Variants in FGD5 observed in about 807,000 individuals in gnomAD.
FGD5 encodes FYVE, RhoGEF and PH domain containing 5.
In FGD5, 28 loss-of-function variants were observed where a neutral mutation model predicts 133.4. The ratio of observed to expected loss-of-function variants is 0.21; its 90% CI spans 0.16 to 0.29. FGD5 has a LOEUF of 0.29. FGD5 is among the 10% of genes least tolerant of loss of function. The pLI is 1.00. For missense variants in FGD5, 1,858 were observed against 1,895.2 expected, an observed-to-expected ratio of 0.98 and a Z score of 0.36; for synonymous variants, 810 against 776.5, an observed-to-expected ratio of 1.04 and a Z score of -0.72.
chr3:14,904,272 A>G (rs2038295655), intron 9 of FGD5, among the ~76,000 whole-genome samples: 1 of 152,114 alleles, frequency 6.6e-6, no homozygotes, highest in Admixed American at 6.5e-5. Flanking sequence ...AGGGCACCAT[A>G]TCTACCTAGG....
At chr3:14,866,777 C>T (rs935635567) in intron 2 of FGD5, among the ~76,000 whole-genome samples, 8 of 152,196 alleles carry the variant, frequency 5.3e-5, no homozygotes, top group East Asian at 3.8e-4. Flanking sequence ...TCAGCAGTGA[C>T]GCACTGGGGT....
chr3:14,880,257 G>A lies in FGD5; in HGVS notation c.2659-315G>A, dbSNP rs537014721. 8.0e-4 allele frequency among the ~76,000 whole-genome samples: 122 copies of A among 152,272 alleles called. 1 individual carries two copies. In the Middle Eastern group the frequency reaches 0.027, roughly 34 times the overall value. ...TAGTCCCAGCTACTCAGGAGGCTGA[G>A]GTAGGAGGATCGCTTGAGCCTGAGA... is the stretch of plus-strand genomic sequence containing the variant. On this transcript the variant is annotated intron_variant, in intron 2 of 19. Coordinates refer to ENST00000285046, the MANE Select transcript of FGD5 (RefSeq NM_152536.4).
rs61749461 is a variant in FGD5, at chr3:14,922,527, T to C, written c.3786T>C (p.His1262=). The C allele has an allele frequency of 3.1e-3, 4,839 of 1,582,806 alleles. 115 individuals carry two copies. In the African/African-American group the frequency reaches 0.051, roughly 17 times the overall value. ...ACTTCTCCCTCACCCTGCGGCGTCA[T>C]CACTGTCACGCCTGTGGCAAGGTGA... ...GCDFSLTLRR[H]HCHACGKIVC... The change falls in exon 15 of 20, where the codon CAT becomes CAC. Residue 1262 remains histidine, a synonymous_variant. Coordinates refer to ENST00000285046, the MANE Select transcript of FGD5 (RefSeq NM_152536.4). The surrounding 1 kb of genome is among the most constrained non-coding windows in gnomAD (Gnocchi z 4.1).
rs2038363603 is a variant in FGD5 at position 14,907,550 on chromosome 3, G to A, written c.3265-90G>A. 3 of 1,241,708 alleles carry A rather than the reference G, an allele frequency of 2.4e-6. No individual in the cohort carries two copies. The East Asian group carries it at 7.4e-5, about 31-fold the overall frequency. The allele number at this position is 1,241,708 out of a possible 1,614,324, so 76.9% of individuals were successfully genotyped here. ...GCCTTTCCGGGCTTCATTTTTGTCT[G>A]AAACAGAAGCAACGCCATGCCTTAC... On this transcript the variant is annotated intron_variant, in intron 9 of 19. Transcript: ENST00000285046.
intron 4 of FGD5, among the ~76,000 whole-genome samples, chr3:14,883,767 T>G (rs2037873364): frequency 6.6e-6 from 1 of 152,236 alleles, no homozygotes; most frequent in Non-Finnish European, 1.5e-5. Context: ...ACAGACAATT[T>G]ACATTACTCC....
At chr3:14,813,362 T>C (rs2036322970) in intron 1 of FGD5, among the ~76,000 whole-genome samples, 1 of 152,212 alleles carries the variant, frequency 6.6e-6, no homozygotes, top group Non-Finnish European at 1.5e-5. Flanking sequence ...GGTAGTGCCC[T>C]GTCGTGGATC....
chr3:14,853,057 G>A (rs2037198204), intron 1 of FGD5, among the ~76,000 whole-genome samples: 1 of 141,192 alleles, frequency 7.1e-6, no homozygotes, highest in African/African-American at 2.7e-5. Context: ...AGGGTTTCCT[G>A]AGGAATCCAG....
intron 2 of FGD5, 85 bp downstream of exon 2, chr3:14,864,345 G>T (rs1198283439): frequency 4.4e-6 from 7 of 1,587,860 alleles, no homozygotes; most frequent in Non-Finnish European, 6.0e-6. Flanking sequence ...TTCCCTTGGT[G>T]CGGACGGAGC....
chr3:14,921,395 C>G (rs1322341415), intron 13 of FGD5: 2 of 157,816 alleles, frequency 1.3e-5, no homozygotes, highest in Admixed American at 1.2e-4. Context: ...TCTTGCCACT[C>G]AGGAAGCCCT....
rs1418124937 is a variant in FGD5, at chr3:14,821,396, G to A, written c.2325G>A (p.Glu775=). 5 of 1,613,862 alleles carry A rather than the reference G, an allele frequency of 3.1e-6. No homozygotes were observed. Among genetic ancestry groups the A allele is most frequent in the Non-Finnish European group, 4.2e-6 (5 of 1,179,898 alleles). The change falls in exon 1 of 20, where the codon GAG becomes GAA. Residue 775 remains glutamate (E), a synonymous_variant. Coordinates refer to ENST00000285046, the MANE Select transcript of FGD5 (RefSeq NM_152536.4). ...SFPSADTSDY[E]NIPAMNSDYE... Reference sequence around the variant, plus strand: ...CCAGCGCTGACACTTCAGACTATGAGAACATTCCAGCCATGAACTCGGACT... The same window carrying A: ...CCAGCGCTGACACTTCAGACTATGAAAACATTCCAGCCATGAACTCGGACT...
Position 14,922,548 on chromosome 3 carries a change from G to A in FGD5, c.3807G>A (p.Lys1269=). 6.3e-7 allele frequency: 1 copy of A among 1,577,704 alleles called. No homozygotes were observed. The highest frequency in any genetic ancestry group is 8.6e-7 in the Non-Finnish European group (1 of 1,162,300). Residue 1269 remains lysine, a splice_region_variant and synonymous_variant, in exon 15 of 20, where the codon AAG becomes AAA. Coordinates refer to ENST00000285046, the MANE Select transcript of FGD5 (RefSeq NM_152536.4). This position sits in a 1 kb window ranked among gnomAD's most constrained non-coding sequence, Gnocchi z 4.1. ...GTCATCACTGTCACGCCTGTGGCAA[G>A]GTGAGTCGCTGCATCTGGGGTGAGT... The part of the protein sequence containing the change: ...LRRHHCHACG[K]IVCRNCSRNK...
intron 1 of FGD5, among the ~76,000 whole-genome samples, chr3:14,840,370 C>T (rs1270446308): frequency 6.6e-6 from 1 of 152,110 alleles, no homozygotes. Context: ...GTCTCGAACT[C>T]CTGACCTCAA....
intron 1 of FGD5, among the ~76,000 whole-genome samples, chr3:14,857,047 C>T (rs1183654678): frequency 6.6e-6 from 1 of 152,150 alleles, no homozygotes; most frequent in Non-Finnish European, 1.5e-5. Context: ...GAGGTACTTT[C>T]CTTCTGCACC....
At chr3:14,832,083 C>T (rs941633653) in intron 1 of FGD5, among the ~76,000 whole-genome samples, 1 of 152,182 alleles carries the variant, frequency 6.6e-6, no homozygotes, top group African/African-American at 2.4e-5. Flanking sequence ...CACCCTGACC[C>T]CGCCCTCTGA....
intron 1 of FGD5, among the ~76,000 whole-genome samples, chr3:14,825,479 G>A (rs1257182851): frequency 6.7e-6 from 1 of 149,536 alleles, no homozygotes; most frequent in Admixed American, 6.6e-5. Context: ...ATATATATAT[G>A]TACACACGCA....
chr3:14,891,015 C>A (rs1227303962), intron 4 of FGD5, among the ~76,000 whole-genome samples: 1 of 152,194 alleles, frequency 6.6e-6, no homozygotes, highest in Admixed American at 6.5e-5. Context: ...TGGGCTTGAA[C>A]CCAGCCCAGA....
intron 11 of FGD5, among the ~76,000 whole-genome samples, chr3:14,911,954 G>A (rs550974024): frequency 6.6e-6 from 1 of 151,946 alleles, no homozygotes; most frequent in East Asian, 1.9e-4. Context: ...CCTGGAGGAA[G>A]GATGGGAGTT....
intron 1 of FGD5, among the ~76,000 whole-genome samples, chr3:14,830,347 T>C (rs1175078638): frequency 6.6e-6 from 1 of 152,240 alleles, no homozygotes; most frequent in Non-Finnish European, 1.5e-5. Context: ...CTGTTTCTTT[T>C]AGCAATAATT....
At chr3:14,903,163 C>G (rs1418345133) in intron 9 of FGD5, among the ~76,000 whole-genome samples, 2 of 152,244 alleles carry the variant, frequency 1.3e-5, no homozygotes, top group Non-Finnish European at 2.9e-5. Flanking sequence ...CTGAAACTCT[C>G]TCCCCATTAA....
Sources: gnomAD v4.1 joint callset for allele counts (sites outside exome capture counted in the v4.1 genomes callset) on GRCh38, gnomAD v4.1.1 for gene constraint, Gnocchi (gnomAD v3.1) non-coding constraint, MANE v1.5 for transcripts, NCBI Gene and HGNC (gene_info 2026-07-23, HGNC 2026-07-21) for gene names.